The following THOC5 variants were observed in gnomAD, a reference collection of about 807,000 sequenced individuals.
The protein encoded by THOC5 is THO complex subunit 5.
Under a neutral mutation model 92.9 loss-of-function variants are expected in THOC5, and 43 were observed. The ratio of observed to expected loss-of-function variants is 0.46; its 90% CI spans 0.36 to 0.60. THOC5 has a LOEUF of 0.60. Ranked by LOEUF, THOC5 falls within the 20% of genes least tolerant of loss-of-function variation. THOC5 has a pLI of 0.00. For missense variants in THOC5, 659 were observed against 849.4 expected (o/e 0.78, Z 2.79); for synonymous variants, 296 against 320.1 (o/e 0.92, Z 0.80).
rs1491105374 is a variant in THOC5, at chr22:29,538,800, G to GAAAAAAAAAAAAAA, written c.599+529_599+530insTTTTTTTTTTTTTT. 1.5e-4 allele frequency among the ~76,000 whole-genome samples: 5 copies of GAAAAAAAAAAAAAA among 32,988 alleles called. 2 individuals are homozygous for GAAAAAAAAAAAAAA. The highest frequency in any genetic ancestry group is 2.3e-4 in the Non-Finnish European group (4 of 17,442). 21.6% of individuals were successfully genotyped at this position (32,988 alleles called of 152,430 possible). A position where few individuals can be genotyped will look rare whatever the true frequency, so the allele number is the denominator to read the frequency against. On this transcript the variant is annotated intron_variant, in intron 6 of 19. Coordinates refer to ENST00000490103, the MANE Select transcript of THOC5 (RefSeq NM_003678.5). ...CAATAGAGTGAAACGCCATCTCTTT[G>GAAAAAAAAAAAAAA]GAAAAAAAAAAAAAAAAAAAAAAAA... is the stretch of plus-strand genomic sequence containing the variant.
intron 2 of THOC5, 29 bp from the exon 3 acceptor site, chr22:29,544,632 T>G (rs763167262): frequency 6.4e-7 from 1 of 1,557,352 alleles, no homozygotes; most frequent in Non-Finnish European, 8.7e-7. Context: ...AGGCTCTGTG[T>G]GCATGGGGTA....
chr22:29,531,828 C>T lies in THOC5; in HGVS notation c.847+3G>A. 6.2e-7 allele frequency: 1 copy of T among 1,613,526 alleles called. No homozygotes were observed. The highest frequency in any genetic ancestry group is 8.5e-7 in the Non-Finnish European group (1 of 1,179,650). On this transcript the variant is annotated splice_donor_region_variant and intron_variant, in intron 8 of 19. Coordinates refer to ENST00000490103, the MANE Select transcript of THOC5 (RefSeq NM_003678.5). ...CTTGTCCTCACCCAGGCCCCATACT[C>T]ACCACAGGCCTGCCCATACGCAGTG...
At chr22:29,530,758 T>C (rs1346857425) in intron 8 of THOC5, among the ~76,000 whole-genome samples, 1 of 152,138 alleles carries the variant, frequency 6.6e-6, no homozygotes, top group African/African-American at 2.4e-5. Flanking sequence ...AGACCCCCTC[T>C]GAGGGTCTAG....
At chr22:29,537,554 G>A (rs1451491098) in intron 6 of THOC5, among the ~76,000 whole-genome samples, 2 of 152,044 alleles carry the variant, frequency 1.3e-5, no homozygotes, top group South Asian at 2.1e-4. Context: ...CAGGAGAATC[G>A]CTTAAACTGG....
chr22:29,535,088 A>T (rs1195642613), intron 7 of THOC5: 1 of 151,542 alleles, frequency 6.6e-6, no homozygotes, highest in Non-Finnish European at 1.5e-5. Flanking sequence ...ACATGATGAA[A>T]CCCCATCTCT....
At chr22:29,541,878 AAAAAAAAAAAAAAAAAT>A (rs2063898511) in intron 5 of THOC5, among the ~76,000 whole-genome samples, 1 of 96,818 alleles carries the variant, frequency 1.0e-5, no homozygotes, top group Non-Finnish European at 2.1e-5. Context: ...AAAAAAAAAA[AAAAAAAAAAAAAAAAAT>A]ATATATATAT....
rs2063155584 is a variant in THOC5 at position 29,508,139 on chromosome 22, C to T, written c.*318G>A. On this transcript the variant is annotated 3_prime_UTR_variant, in exon 20 of 20. Transcript: ENST00000490103. ...ATCATGAGGACCTCACCCCGCAAAG[C>T]ACAAATAGGGTGTGCGTAGACAAGA... is the stretch of plus-strand genomic sequence containing the variant. 6.2e-6 allele frequency: 2 copies of T among 322,654 alleles called. No individual in the cohort carries two copies. Among genetic ancestry groups the T allele is most frequent in the South Asian group, 9.9e-5 (2 of 20,190 alleles). The allele number at this position is 322,654 out of a possible 1,614,324, so 20.0% of individuals were successfully genotyped here. A position where few individuals can be genotyped will look rare whatever the true frequency, so the allele number is the denominator to read the frequency against.
chr22:29,542,794 G>C (rs755936354), intron 5 of THOC5, 65 bp downstream of exon 5: 15 of 1,095,436 alleles, frequency 1.4e-5, no homozygotes, highest in Non-Finnish European at 2.0e-5. Flanking sequence ...CTTACAGTGA[G>C]CTACATGGGA....
intron 17 of THOC5, among the ~76,000 whole-genome samples, chr22:29,514,716 A>T (rs568770197): frequency 5.9e-4 from 86 of 145,194 alleles, no homozygotes; most frequent in East Asian, 1.3e-3. Flanking sequence ...ATATATATAT[A>T]TTTTTTGAGA....
chr22:29,543,631 G>A (rs776842404), intron 3 of THOC5, 89 bp from the exon 4 acceptor site: 8 of 823,518 alleles, frequency 9.7e-6, no homozygotes, highest in South Asian at 1.7e-5. Context: ...CCTCATCTGG[G>A]GCCAAAAACG....
chr22:29,534,640 T>C (rs1009220079), intron 7 of THOC5: 2 of 152,046 alleles, frequency 1.3e-5, no homozygotes, highest in East Asian at 1.9e-4. Context: ...GGACCAATTG[T>C]ACAATATATA....
chr22:29,549,650 A>G (rs2064101706), intron 1 of THOC5, among the ~76,000 whole-genome samples: 1 of 152,196 alleles, frequency 6.6e-6, no homozygotes, highest in Admixed American at 6.5e-5. Context: ...CTGGCTCTTC[A>G]TAATGCACTG....
At chr22:29,543,747 C>T (rs2063952339) in intron 3 of THOC5, among the ~76,000 whole-genome samples, 1 of 152,078 alleles carries the variant, frequency 6.6e-6, no homozygotes, top group South Asian at 2.1e-4. Flanking sequence ...GTAATTTCTG[C>T]TTGGACTAGA....
intron 1 of THOC5, chr22:29,550,855 GT>G (rs1357843101): frequency 6.6e-6 from 1 of 152,192 alleles, no homozygotes; most frequent in Admixed American, 6.5e-5. Flanking sequence ...TAAGGAGAAA[GT>G]TAATCCCTTT....
intron 15 of THOC5, among the ~76,000 whole-genome samples, chr22:29,518,289 T>TC (rs971311978): frequency 2.0e-5 from 3 of 152,136 alleles, no homozygotes; most frequent in Non-Finnish European, 4.4e-5. Context: ...TGCCTTGGCC[T>TC]CCCAAAGTGC....
At chr22:29,552,805 A>T (rs1483872140) in intron 1 of THOC5, among the ~76,000 whole-genome samples, 2 of 151,812 alleles carry the variant, frequency 1.3e-5, no homozygotes, top group Non-Finnish European at 2.9e-5. Context: ...GAGAGGGGGG[A>T]AATGTGGGGA....
chr22:29,536,474 T>C (rs2063762403), intron 7 of THOC5, 150 bp downstream of exon 7: 1 of 599,406 alleles, frequency 1.7e-6, no homozygotes, highest in Non-Finnish European at 3.0e-6. Flanking sequence ...CACAAGCTTA[T>C]CACACCAACT....
chr22:29,547,659 G>A (rs749316064), intron 2 of THOC5, among the ~76,000 whole-genome samples: 6 of 152,100 alleles, frequency 3.9e-5, no homozygotes, highest in East Asian at 1.9e-4. Context: ...CACCATGTCC[G>A]GCCCATTATC....
At chr22:29,511,367 C>G in intron 18 of THOC5, 71 bp from the exon 19 acceptor site, 8 of 1,538,550 alleles carry the variant, frequency 5.2e-6, no homozygotes, top group Non-Finnish European at 7.0e-6. Context: ...GCCAGGCTTC[C>G]GTCCCTGGAT....
Sources: gnomAD v4.1 joint callset for allele counts (sites outside exome capture counted in the v4.1 genomes callset) on GRCh38, gnomAD v4.1.1 for gene constraint, MANE v1.5 for transcripts, NCBI Gene and HGNC (gene_info 2026-07-23, HGNC 2026-07-21) for gene names.